EPB41L5: variants seen among roughly 807,000 people sequenced by gnomAD.
The protein encoded by EPB41L5 is band 4.1-like protein 5.
EPB41L5 carries 55 observed loss-of-function variants against 106.6 expected under a neutral mutation model. The ratio of observed to expected loss-of-function variants is 0.52; its 90% CI spans 0.42 to 0.65. The LOEUF (loss-of-function observed/expected upper bound fraction) is 0.65. Ranked by LOEUF, EPB41L5 falls within the 30% of genes least tolerant of loss-of-function variation. The probability of loss-of-function intolerance (pLI) is 0.00; values close to 1 mark genes in which losing one functional copy is unlikely to be tolerated. For missense variants in EPB41L5, 871 were observed against 882.1 expected, an observed-to-expected ratio of 0.99 and a Z score of 0.16; for synonymous variants, 297 against 306.7, an observed-to-expected ratio of 0.97 and a Z score of 0.33.
chr2:120,055,363 T>C (rs1335355432), intron 3 of EPB41L5, among the ~76,000 whole-genome samples: 1 of 152,180 alleles, frequency 6.6e-6, no homozygotes. Flanking sequence ...AAAAGGCAGT[T>C]GGAATTTTGG....
At chr2:120,159,423 CAAAA>C (rs36001495) in intron 20 of EPB41L5, among the ~76,000 whole-genome samples, 11 of 95,176 alleles carry the variant, frequency 1.2e-4, no homozygotes, top group South Asian at 3.6e-4. Context: ...GACTCCATCT[CAAAA>C]AAAAAAAAAA....
chr2:120,141,770 T>G (rs939926768), intron 18 of EPB41L5, among the ~76,000 whole-genome samples: 1 of 152,134 alleles, frequency 6.6e-6, no homozygotes, highest in Non-Finnish European at 1.5e-5. Flanking sequence ...TAACCATCTT[T>G]AGATATATGA....
intron 20 of EPB41L5, among the ~76,000 whole-genome samples, chr2:120,154,412 G>T (rs56867762): frequency 2.0e-5 from 3 of 150,768 alleles, no homozygotes; most frequent in African/African-American, 7.3e-5. Flanking sequence ...TAATCTGCCC[G>T]CCTCAGCCTC....
intron 15 of EPB41L5, 131 bp from the exon 16 acceptor site, chr2:120,100,568 G>T (rs41279786): frequency 1.4e-6 from 1 of 713,394 alleles, no homozygotes. Flanking sequence ...TCTCTAAGGT[G>T]TATATAAAAT....
intron 12 of EPB41L5, among the ~76,000 whole-genome samples, chr2:120,090,770 C>T (rs1375561813): frequency 6.6e-6 from 1 of 152,174 alleles, no homozygotes; most frequent in Non-Finnish European, 1.5e-5. Context: ...TATTAACCCA[C>T]TCCCAGTTTA....
chr2:120,143,074 A>C lies in EPB41L5; in HGVS notation c.1671A>C (p.Arg557Ser). The C allele has an allele frequency of 6.2e-7, 1 of 1,611,300 alleles. No individual in the cohort carries two copies. Among genetic ancestry groups the C allele is most frequent in the Non-Finnish European group, 8.5e-7 (1 of 1,178,566 alleles). ...AGAGCCCAGGATTGAATGTCATGAGAGTTCCTCCTGACTTCAAGAGTAACA... is the reference window on the plus strand; with the variant it reads ...AGAGCCCAGGATTGAATGTCATGAGCGTTCCTCCTGACTTCAAGAGTAACA... ...VIESPGLNVM[R>S]VPPDFKSNIL... The change falls in exon 19 of 25, where the codon AGA becomes AGC. Residue 557 changes from arginine to serine, a missense_variant. Arg to Ser is a moderately radical substitution (Grantham distance 110). Transcript: ENST00000263713.
At chr2:120,045,853 G>A (rs1042043997) in intron 3 of EPB41L5, among the ~76,000 whole-genome samples, 4 of 147,256 alleles carry the variant, frequency 2.7e-5, no homozygotes, top group East Asian at 4.0e-4. Flanking sequence ...TGTGATGCTC[G>A]CCTTCCCAAG....
chr2:120,091,434 TC>T, intron 12 of EPB41L5, 120 bp from the exon 13 acceptor site: 2 of 658,012 alleles, frequency 3.0e-6, no homozygotes, highest in South Asian at 1.9e-5. Flanking sequence ...TAGTAGCTGT[TC>T]CTGTGCGATG....
intron 16 of EPB41L5, chr2:120,104,118 T>C (rs995024379): frequency 6.5e-7 from 1 of 1,536,014 alleles, no homozygotes; most frequent in Non-Finnish European, 8.7e-7. Flanking sequence ...CACAAGGGCC[T>C]TGCCCCCACC....
intron 15 of EPB41L5, among the ~76,000 whole-genome samples, 198 bp downstream of exon 15, chr2:120,100,484 C>T (rs964609189): frequency 2.6e-5 from 4 of 152,100 alleles, no homozygotes; most frequent in African/African-American, 9.7e-5. Context: ...AACCGGTGCT[C>T]TATAAAACAT....
Position 120,167,481 on chromosome 2 carries a change from A to G in EPB41L5, c.1978A>G (p.Met660Val), listed in dbSNP as rs1302683162. 5 of 1,613,954 alleles carry G rather than the reference A, an allele frequency of 3.1e-6. No homozygotes were observed. Among genetic ancestry groups the G allele is most frequent in the Non-Finnish European group, 4.2e-6 (5 of 1,179,830 alleles). ...TVAPQVSSTS[M>V]ITPRWIVPQS... ...ATTATTTCAGGTGTCTTCCACATCC[A>G]TGATCACACCCCGGTGGATTGTTCC... The change falls in exon 23 of 25, where the codon ATG (methionine) becomes GTG (valine). Residue 660 changes from methionine (M) to valine (V), a missense_variant. Coordinates refer to ENST00000263713, the MANE Select transcript of EPB41L5 (RefSeq NM_020909.4).
chr2:120,075,371 C>A, intron 5 of EPB41L5, 105 bp from the exon 6 acceptor site: 2 of 816,204 alleles, frequency 2.5e-6, no homozygotes, highest in Non-Finnish European at 4.0e-6. Flanking sequence ...TACATTAATA[C>A]AAGTAATTTT....
chr2:120,078,331 ATAT>A (rs1682398366), intron 9 of EPB41L5, among the ~76,000 whole-genome samples, 159 bp from the exon 10 acceptor site: 1 of 152,178 alleles, frequency 6.6e-6, no homozygotes, highest in Non-Finnish European at 1.5e-5. Flanking sequence ...TTTTCTGAGA[ATAT>A]TATTATGGAT....
chr2:120,019,278 G>A lies in EPB41L5; in HGVS notation c.180+14G>A, dbSNP rs1219271202. ...GTGGACTTGCCAGTAAGTAGGTCTT[G>A]CTGAGCTCCAAATTCTGTTTGCGAT... On this transcript the variant is annotated intron_variant, in intron 2 of 24. Transcript: ENST00000263713. The A allele has an allele frequency of 5.0e-6, 8 of 1,596,242 alleles. 1 individual carries two copies. The highest frequency in any genetic ancestry group is 4.5e-5 in the South Asian group (4 of 89,052).
At chr2:120,126,248 C>A (rs1266071339) in intron 16 of EPB41L5, among the ~76,000 whole-genome samples, 1 of 152,056 alleles carries the variant, frequency 6.6e-6, no homozygotes, top group Non-Finnish European at 1.5e-5. Flanking sequence ...AAATTTCCCC[C>A]CCAATTTGTG....
chr2:120,167,518 G>T lies in EPB41L5; in HGVS notation c.2004+11G>T. On this transcript the variant is annotated intron_variant, in intron 23 of 24. Coordinates refer to ENST00000263713, the MANE Select transcript of EPB41L5 (RefSeq NM_020909.4). Reference sequence around the variant, plus strand: ...CGGTGGATTGTTCCGGTAAGTTCATGTTATTTGTGATTTTTCTTCTGGCTA... The same window carrying T: ...CGGTGGATTGTTCCGGTAAGTTCATTTTATTTGTGATTTTTCTTCTGGCTA... 6.2e-7 allele frequency: 1 copy of T among 1,613,570 alleles called. No individual in the cohort carries two copies. Among genetic ancestry groups the T allele is most frequent in the Non-Finnish European group, 8.5e-7 (1 of 1,179,500 alleles).
At chr2:120,036,127 T>C (rs1037547344) in intron 2 of EPB41L5, among the ~76,000 whole-genome samples, 4 of 152,194 alleles carry the variant, frequency 2.6e-5, no homozygotes, top group African/African-American at 9.6e-5. Flanking sequence ...GAATAAATCA[T>C]AATAGCACTG....
chr2:120,103,476 G>A (rs972415854), intron 16 of EPB41L5, among the ~76,000 whole-genome samples: 7 of 152,150 alleles, frequency 4.6e-5, no homozygotes, highest in African/African-American at 1.2e-4. Context: ...TATATAAGGA[G>A]CGATGATTCT....
At chr2:120,096,097 A>C (rs1332671711) in intron 14 of EPB41L5, among the ~76,000 whole-genome samples, 2 of 151,960 alleles carry the variant, frequency 1.3e-5, no homozygotes, top group South Asian at 4.1e-4. Context: ...GACCATACCC[A>C]CAAATCTAAT....
Sources: gnomAD v4.1 joint callset for allele counts (sites outside exome capture counted in the v4.1 genomes callset) on GRCh38, gnomAD v4.1.1 for gene constraint, MANE v1.5 for transcripts, NCBI Gene and HGNC (gene_info 2026-07-23, HGNC 2026-07-21) for gene names.